ZC3H7B: variants seen among roughly 807,000 people sequenced by gnomAD.
The protein encoded by ZC3H7B is zinc finger CCCH-type containing 7B, also known as zinc finger CCCH domain-containing protein 7B.
A neutral mutation model predicts 116.0 loss-of-function variants in ZC3H7B; 35 were observed. The observed-to-expected ratio is 0.30, with a 90% CI of 0.23 to 0.40. ZC3H7B has a LOEUF of 0.40. Among genes scored for constraint, ZC3H7B ranks in the 10% least tolerant of loss-of-function variants. The pLI, the probability that ZC3H7B is intolerant of heterozygous loss-of-function variation, is 1.00. For synonymous variants in ZC3H7B, 502 were observed against 545.6 expected, an observed-to-expected ratio of 0.92 and a Z score of 1.11; for missense variants, 1,011 against 1,321.5, an observed-to-expected ratio of 0.77 and a Z score of 3.64.
chr22:41,343,794 G>A (rs917192666), intron 13 of ZC3H7B, among the ~76,000 whole-genome samples: 1 of 152,204 alleles, frequency 6.6e-6, no homozygotes, highest in African/African-American at 2.4e-5. Flanking sequence ...AGGCAGGTGG[G>A]ACACATTTGG....
At chr22:41,319,899 T>G (rs1234278475) in intron 1 of ZC3H7B, among the ~76,000 whole-genome samples, 1 of 151,560 alleles carries the variant, frequency 6.6e-6, no homozygotes, top group Non-Finnish European at 1.5e-5. Context: ...TGCGTGGTAG[T>G]GCATGCCTGG....
At chr22:41,315,012 T>G in intron 1 of ZC3H7B, among the ~76,000 whole-genome samples, 1 of 151,464 alleles carries the variant, frequency 6.6e-6, no homozygotes, top group Non-Finnish European at 1.5e-5. Context: ...GTTTGGCCTA[T>G]ATGCTTCTTG....
At chr22:41,330,274 C>T (rs749649155) in intron 6 of ZC3H7B, among the ~76,000 whole-genome samples, 171 bp downstream of exon 6, 6 of 152,300 alleles carry the variant, frequency 3.9e-5, no homozygotes, top group Non-Finnish European at 8.8e-5. Flanking sequence ...TGGAACCTTT[C>T]GGAAAAGGAG....
Position 41,348,150 on chromosome 22 carries a change from C to T in ZC3H7B, c.1749C>T (p.His583=). 4 of 1,613,906 alleles carry T rather than the reference C, an allele frequency of 2.5e-6. No homozygotes were observed. The highest frequency in any genetic ancestry group is 3.4e-6 in the Non-Finnish European group (4 of 1,179,914). ...TCTGCTCCAACCTGGCTGCCAAGCA[C>T]AGCTTCTACAACAACAAGTGAGTGG... ...PSVCSNLAAK[H]SFYNNKCLVH... Residue 583 remains histidine (H), a synonymous_variant, in exon 15 of 23, where the codon CAC becomes CAT. Transcript: ENST00000352645.
At chr22:41,329,231 C>T (rs1223601620) in intron 5 of ZC3H7B, among the ~76,000 whole-genome samples, 1 of 149,960 alleles carries the variant, frequency 6.7e-6, no homozygotes, top group Non-Finnish European at 1.5e-5. Flanking sequence ...AGAGACAATC[C>T]CCAAATCCCC....
chr22:41,310,761 G>C (rs2036106691), intron 1 of ZC3H7B, among the ~76,000 whole-genome samples: 1 of 151,926 alleles, frequency 6.6e-6, no homozygotes, highest in African/African-American at 2.4e-5. Flanking sequence ...GTTTTAAAAA[G>C]GGAGTTTTTT....
At chr22:41,320,048 G>T (rs2036235026) in intron 1 of ZC3H7B, among the ~76,000 whole-genome samples, 1 of 150,782 alleles carries the variant, frequency 6.6e-6, no homozygotes, top group Admixed American at 6.6e-5. Flanking sequence ...AAAAAAAATG[G>T]GGGGCCGGGC....
intron 2 of ZC3H7B, among the ~76,000 whole-genome samples, chr22:41,322,432 CT>C (rs1260180468): frequency 6.6e-5 from 10 of 152,012 alleles, no homozygotes; most frequent in Admixed American, 6.6e-4. Context: ...GTGATCTGCC[CT>C]CCTCGGCCTC....
intron 11 of ZC3H7B, among the ~76,000 whole-genome samples, chr22:41,341,923 G>A (rs1239414556): frequency 2.0e-5 from 3 of 152,068 alleles, no homozygotes; most frequent in African/African-American, 7.2e-5. Flanking sequence ...TTAGCTGGGT[G>A]TAGTGGCGGA....
Position 41,314,359 on chromosome 22 carries a change from G to A in ZC3H7B, c.-6-6296G>A, listed in dbSNP as rs182304525. ...TTTAGTAGAGATGGGGTTTCGCCATGTTGGCCAGGCTGGTCTCGAACTCCT... is the reference window on the plus strand; with the variant it reads ...TTTAGTAGAGATGGGGTTTCGCCATATTGGCCAGGCTGGTCTCGAACTCCT... On this transcript the variant is annotated intron_variant, in intron 1 of 22. Transcript: ENST00000352645. 1.3e-3 allele frequency among the ~76,000 whole-genome samples: 201 copies of A among 151,588 alleles called. 1 individual carries two copies. Among genetic ancestry groups the A allele is most frequent in the Middle Eastern group, 6.8e-3 (2 of 292 alleles).
At chr22:41,323,685 T>C (rs543269221) in intron 2 of ZC3H7B, among the ~76,000 whole-genome samples, 9 of 152,292 alleles carry the variant, frequency 5.9e-5, no homozygotes, top group African/African-American at 2.2e-4. Context: ...TCCTACGCTG[T>C]GTTGGTGCAC....
chr22:41,343,088 G>A (rs761562164), intron 12 of ZC3H7B, among the ~76,000 whole-genome samples: 12 of 152,204 alleles, frequency 7.9e-5, no homozygotes, highest in Non-Finnish European at 1.6e-4. Flanking sequence ...CAGGAGAATT[G>A]CTTGAACCCG....
chr22:41,351,030 G>A lies in ZC3H7B; in HGVS notation c.1949-531G>A, dbSNP rs961467203. ...GGCTCAGTGGCAACAGTCTGAGGCTGGCGGGGAGACAGACTGGAGAGTCCA... is the reference window on the plus strand; with the variant it reads ...GGCTCAGTGGCAACAGTCTGAGGCTAGCGGGGAGACAGACTGGAGAGTCCA... On this transcript the variant is annotated intron_variant, in intron 16 of 22. Coordinates refer to ENST00000352645, the MANE Select transcript of ZC3H7B (RefSeq NM_017590.6). The surrounding 1 kb of genome is among the most constrained non-coding windows in gnomAD (Gnocchi z 5.1). 6.6e-5 allele frequency among the ~76,000 whole-genome samples: 10 copies of A among 152,364 alleles called. No homozygotes were observed. The East Asian group carries it at 9.6e-4, about 15-fold the overall frequency.
intron 5 of ZC3H7B, among the ~76,000 whole-genome samples, chr22:41,329,671 G>A (rs1026517991): frequency 6.6e-6 from 1 of 152,174 alleles, no homozygotes; most frequent in Admixed American, 6.5e-5. Context: ...TAGGGTGAAG[G>A]GGGAGATCCA....
chr22:41,343,533 G>T lies in ZC3H7B; in HGVS notation c.1416G>T (p.Arg472=). 1 of 1,612,972 alleles carries T rather than the reference G, an allele frequency of 6.2e-7. No homozygotes were observed. Among genetic ancestry groups the T allele is most frequent in the South Asian group, 1.1e-5 (1 of 91,006 alleles). Residue 472 remains arginine (R), a synonymous_variant, in exon 13 of 23, where the codon CGG becomes CGT. Coordinates refer to ENST00000352645, the MANE Select transcript of ZC3H7B (RefSeq NM_017590.6). ...EDQTWKRIRP[R]PTKTSFVGSY... is the part of the protein sequence containing the mutation. The stretch of plus-strand genomic sequence containing the variant: ...AGACCTGGAAGCGGATCCGGCCCCG[G>T]CCCACTAAGACCAGCTTCGTGGGCT...
At chr22:41,344,637 G>A (rs972777731) in intron 13 of ZC3H7B, among the ~76,000 whole-genome samples, 3 of 152,118 alleles carry the variant, frequency 2.0e-5, no homozygotes, top group Non-Finnish European at 4.4e-5. Context: ...CAGGTCTGTG[G>A]CCTGTTTGTC....
At chr22:41,354,887 G>A (rs1601797901) in intron 17 of ZC3H7B, among the ~76,000 whole-genome samples, 1 of 152,142 alleles carries the variant, frequency 6.6e-6, no homozygotes. Flanking sequence ...CTGTCCCACC[G>A]CCCAAGGCTG....
chr22:41,325,127 G>A (rs1487532671), intron 2 of ZC3H7B, among the ~76,000 whole-genome samples: 1 of 152,188 alleles, frequency 6.6e-6, no homozygotes, highest in Non-Finnish European at 1.5e-5. Context: ...GGAGAGGGCT[G>A]GTTTTTTCAG....
chr22:41,312,398 T>C (rs900399716), intron 1 of ZC3H7B, among the ~76,000 whole-genome samples: 3 of 151,412 alleles, frequency 2.0e-5, no homozygotes, highest in African/African-American at 7.3e-5. Flanking sequence ...ATTATGCCAC[T>C]GCACTACAGC....
Sources: gnomAD v4.1 joint callset for allele counts (sites outside exome capture counted in the v4.1 genomes callset) on GRCh38, gnomAD v4.1.1 for gene constraint, Gnocchi (gnomAD v3.1) non-coding constraint, MANE v1.5 for transcripts, NCBI Gene and HGNC (gene_info 2026-07-23, HGNC 2026-07-21) for gene names.